The following MOSPD2 variants were observed in gnomAD, a reference collection of about 807,000 sequenced individuals.
The protein encoded by MOSPD2 is motile sperm domain-containing protein 2.
A neutral mutation model predicts 41.7 loss-of-function variants in MOSPD2; 5 were observed. The observed-to-expected ratio is 0.12, with a 90% confidence interval of 0.06 to 0.25. The LOEUF is 0.25. Among genes scored for constraint, MOSPD2 ranks in the 10% least tolerant of loss-of-function variants. The pLI, the probability that MOSPD2 is intolerant of heterozygous loss-of-function variation, is 1.00. For synonymous variants in MOSPD2, 115 were observed against 126.9 expected, an observed-to-expected ratio of 0.91 and a Z score of 0.63; for missense variants, 282 against 375.2, an observed-to-expected ratio of 0.75 and a Z score of 2.05.
intron 2 of MOSPD2, 64 bp from the exon 3 acceptor site, chrX:14,892,659 T>G: frequency 3.4e-6 from 3 of 873,791 alleles, no homozygotes; most frequent in Non-Finnish European, 4.9e-6. Flanking sequence ...TCCTTTGCCA[T>G]TAGTGGTTAT....
At position 14,920,555 on chromosome X, in the gene MOSPD2, CT is replaced by C. The variant is rs1477700742; in HGVS notation, c.*747del. The stretch of plus-strand genomic sequence containing the variant: ...AAAAGAAAAGTCTCAAGCAGTCCCC[CT>C]ATCCAGTCATTTTTATGGAGTTTCA... On this transcript the variant is annotated 3_prime_UTR_variant, in exon 15 of 15. Coordinates refer to ENST00000380492, the MANE Select transcript of MOSPD2 (RefSeq NM_152581.4). 3 of 751,967 alleles carry C rather than the reference CT, an allele frequency of 4.0e-6. No homozygotes were observed. The highest frequency in any genetic ancestry group is 8.9e-5 in the Admixed American group (1 of 11,269). 62.0% of individuals were successfully genotyped at this position (751,967 alleles called of 1,213,427 possible). A position where few individuals can be genotyped will look rare whatever the true frequency, so the allele number is the denominator to read the frequency against.
intron 3 of MOSPD2, 103 bp downstream of exon 3, chrX:14,892,981 T>A: frequency 1.8e-6 from 1 of 545,947 alleles, no homozygotes; most frequent in South Asian, 4.6e-5. Flanking sequence ...GCAGTCATCA[T>A]AAACACCAGA....
intron 7 of MOSPD2, among the ~76,000 whole-genome samples, chrX:14,907,031 AAAC>A (rs1358195644): frequency 8.9e-6 from 1 of 112,103 alleles, no homozygotes; most frequent in Non-Finnish European, 1.9e-5. Context: ...TCTCAAAAAA[AAAC>A]AAGTAACCCA....
intron 2 of MOSPD2, among the ~76,000 whole-genome samples, chrX:14,876,976 G>A (rs1480313184): frequency 8.9e-6 from 1 of 112,008 alleles, no homozygotes; most frequent in African/African-American, 3.2e-5. Flanking sequence ...ACTCAGCCAG[G>A]TAGAGAAGGT....
chrX:14,919,651 C>G (rs1328666312), intron 14 of MOSPD2, 21 bp from the exon 15 acceptor site: 2 of 1,114,087 alleles, frequency 1.8e-6, no homozygotes, highest in Non-Finnish European at 1.2e-6. Flanking sequence ...ATAAATCTTT[C>G]ATCCCCTCTT....
chrX:14,897,540 A>G lies in MOSPD2; in HGVS notation c.477+302A>G, dbSNP rs911133228. Among the ~76,000 whole-genome samples, 3 of 111,851 alleles carry G rather than the reference A, an allele frequency of 2.7e-5. No homozygotes were observed. The East Asian group carries it at 8.4e-4, about 31-fold the overall frequency. On this transcript the variant is annotated intron_variant, in intron 5 of 14. Transcript: ENST00000380492. ...GTATGAATCGATGTGATAACTGTGAACTTTGATATCAAAGCTAATATCCTA... is the reference window on the plus strand; with the variant it reads ...GTATGAATCGATGTGATAACTGTGAGCTTTGATATCAAAGCTAATATCCTA...
At position 14,919,936 on chromosome X, in the gene MOSPD2, C is replaced by A; in HGVS notation, c.*127C>A. On this transcript the variant is annotated 3_prime_UTR_variant, in exon 15 of 15. Transcript: ENST00000380492. The stretch of plus-strand genomic sequence containing the variant: ...GCTTCCTAAAAGGAAATATGCAGCA[C>A]GTGGAGGGGAACACATACATGTCTT... 1.9e-6 allele frequency: 2 copies of A among 1,075,416 alleles called. No individual in the cohort carries two copies. The highest frequency in any genetic ancestry group is 5.7e-5 in the South Asian group (2 of 35,299). The allele number at this position is 1,075,416 out of a possible 1,213,427, so 88.6% of individuals were successfully genotyped here.
chrX:14,899,990 A>AG (rs2092570322), intron 5 of MOSPD2, among the ~76,000 whole-genome samples: 1 of 111,897 alleles, frequency 8.9e-6, no homozygotes, highest in Non-Finnish European at 1.9e-5. Context: ...AAACTAAAAA[A>AG]CTAATTCTAG....
intron 8 of MOSPD2, among the ~76,000 whole-genome samples, 175 bp downstream of exon 8, chrX:14,909,159 A>AT (rs1443060627): frequency 8.9e-6 from 1 of 112,129 alleles, no homozygotes. Flanking sequence ...TTAATTTTTT[A>AT]TTTTTTAATA....
intron 12 of MOSPD2, 56 bp from the exon 13 acceptor site, chrX:14,916,141 A>G: frequency 1.6e-5 from 19 of 1,206,681 alleles, no homozygotes; most frequent in Non-Finnish European, 2.1e-5. Flanking sequence ...CCACATGCAT[A>G]TCCAACCGCT....
rs991886995 is a variant in MOSPD2 at position 14,878,333 on chromosome X, G to A, written c.79+4575G>A. Among the ~76,000 whole-genome samples, 8 of 111,689 alleles carry A rather than the reference G, an allele frequency of 7.2e-5. No individual in the cohort carries two copies. In the East Asian group the frequency reaches 1.7e-3, roughly 23 times the overall value. Reference sequence around the variant, plus strand: ...AGTTGCACCAATATTCATTCCTGCCGGCTTGTAGGAGAGTGTTAGTCTTAC... The same window carrying A: ...AGTTGCACCAATATTCATTCCTGCCAGCTTGTAGGAGAGTGTTAGTCTTAC... On this transcript the variant is annotated intron_variant, in intron 2 of 14. Transcript: ENST00000380492.
intron 4 of MOSPD2, among the ~76,000 whole-genome samples, 156 bp downstream of exon 4, chrX:14,895,550 G>C (rs901197678): frequency 1.8e-5 from 2 of 111,818 alleles, no homozygotes; most frequent in Admixed American, 9.5e-5. Flanking sequence ...CAGAGTGTTA[G>C]ATACTTAGTA....
intron 2 of MOSPD2, among the ~76,000 whole-genome samples, chrX:14,877,895 G>T (rs973731802): frequency 9.4e-6 from 1 of 106,832 alleles, no homozygotes; most frequent in Non-Finnish European, 1.9e-5. Flanking sequence ...GCAGAATGGC[G>T]TGAACCCAGG....
intron 8 of MOSPD2, among the ~76,000 whole-genome samples, chrX:14,909,633 T>TA (rs772607435): frequency 6.7e-4 from 75 of 111,907 alleles, no homozygotes; most frequent in African/African-American, 2.0e-3. Context: ...TTACTACTTA[T>TA]AAAAAAACTG....
At chrX:14,913,508 G>T (rs756068338) in intron 10 of MOSPD2, among the ~76,000 whole-genome samples, 7 of 111,805 alleles carry the variant, frequency 6.3e-5, no homozygotes, top group Admixed American at 2.9e-4. Flanking sequence ...AGAACAATGA[G>T]ATCCATAACC....
chrX:14,921,425 C>T lies in MOSPD2; in HGVS notation c.*1616C>T, dbSNP rs1349963588. ...AATGGACTGCAGTCCACCCTAAGTA[C>T]TGTGCACAGTATCTCCCTGTGTGTG... is the stretch of plus-strand genomic sequence containing the variant. On this transcript the variant is annotated 3_prime_UTR_variant, in exon 15 of 15. Transcript: ENST00000380492. 5 of 934,408 alleles carry T rather than the reference C, an allele frequency of 5.4e-6. No homozygotes were observed. The African/African-American group carries it at 8.2e-5, about 15-fold the overall frequency. The allele number at this position is 934,408 out of a possible 1,213,427, so 77.0% of individuals were successfully genotyped here.
intron 7 of MOSPD2, among the ~76,000 whole-genome samples, chrX:14,908,414 ATTTC>A (rs2092585996): frequency 8.9e-6 from 1 of 111,978 alleles, no homozygotes; most frequent in East Asian, 2.8e-4. Context: ...AAGAAGGGCT[ATTTC>A]TTTCTTTCTT....
intron 2 of MOSPD2, among the ~76,000 whole-genome samples, chrX:14,876,562 G>T (rs1299657426): frequency 2.7e-5 from 3 of 111,366 alleles, no homozygotes; most frequent in Non-Finnish European, 5.7e-5. Context: ...TTTCCTTATT[G>T]TTTCTGAGAA....
Position 14,918,691 on chromosome X carries a change from A to T in MOSPD2, c.1328A>T (p.His443Leu). 8.5e-7 allele frequency: 1 copy of T among 1,181,393 alleles called. No individual in the cohort carries two copies. The highest frequency in any genetic ancestry group is 1.8e-5 in the South Asian group (1 of 55,476). ...TTGGATTTTAATAGGTTAAGATGCC[A>T]TACTGTTGAAAGCAGTAAACCAAAC... The part of the protein sequence containing the change: ...NKVMEHRLRC[H>L]TVESSKPNTL... Residue 443 changes from histidine (H) to leucine (L), a missense_variant, in exon 14 of 15, where the codon CAT becomes CTT. Coordinates refer to ENST00000380492, the MANE Select transcript of MOSPD2 (RefSeq NM_152581.4).
Sources: allele counts gnomAD v4.1 joint callset (sites outside exome capture counted in the v4.1 genomes callset), GRCh38; gene constraint gnomAD v4.1.1; transcripts MANE v1.5; gene names NCBI Gene and HGNC (gene_info 2026-07-23, HGNC 2026-07-21).